The following GRIK1 variants were observed in gnomAD, a reference collection of about 807,000 sequenced individuals.
The protein encoded by GRIK1 is glutamate ionotropic receptor kainate type subunit 1.
Under a neutral mutation model 105.7 loss-of-function variants are expected in GRIK1, and 69 were observed. That is an observed-to-expected ratio of 0.65 (90% CI 0.54 to 0.80). The LOEUF (loss-of-function observed/expected upper bound fraction) is 0.80. GRIK1 is among the 30% of genes least tolerant of loss of function. The pLI is 0.00. For missense variants in GRIK1, 1,109 were observed against 1,167.3 expected, an observed-to-expected ratio of 0.95 and a Z score of 0.73; for synonymous variants, 438 against 431.3, an observed-to-expected ratio of 1.02 and a Z score of -0.19.
intron 1 of GRIK1, among the ~76,000 whole-genome samples, chr21:29,782,464 C>G (rs527348092): frequency 6.6e-6 from 1 of 152,254 alleles, no homozygotes; most frequent in Non-Finnish European, 1.5e-5. Flanking sequence ...GCGCCAAACA[C>G]TTCACAGATT....
intron 1 of GRIK1, among the ~76,000 whole-genome samples, chr21:29,694,371 G>A (rs887605112): frequency 1.3e-5 from 2 of 151,876 alleles, no homozygotes; most frequent in African/African-American, 2.4e-5. Flanking sequence ...TGATCCACCC[G>A]CCTCGACCTC....
At chr21:29,838,981 C>T (rs539696841) in intron 1 of GRIK1, among the ~76,000 whole-genome samples, 21 of 152,204 alleles carry the variant, frequency 1.4e-4, no homozygotes, top group African/African-American at 4.3e-4. Flanking sequence ...AATTATTAAA[C>T]GAAGTAAGCT....
In GRIK1 at chr21:29,596,545, A is replaced by T. The variant is rs367688924; in HGVS notation, c.1232T>A (p.Leu411Ter). The T allele has an allele frequency of 1.3e-4, 211 of 1,609,894 alleles. No homozygotes were observed. Among genetic ancestry groups the T allele is most frequent in the Non-Finnish European group, 1.8e-4 (207 of 1,176,272 alleles). Reference protein sequence around the residue: ...EKAAGEVSKHLYKVWKKIGIW... With the variant: ...EKAAGEVSKH ...ACAAACCTTCTTCCACACTTTATAC[A>T]AGTGTTTAGACACTTCGCCAGCAGC... Residue 411 changes from leucine (L) to a stop codon, truncating the protein, a stop_gained, in exon 9 of 18, where the codon TTG becomes TAG. Transcript: ENST00000327783. LOFTEE classifies it high-confidence loss of function.
intron 14 of GRIK1, among the ~76,000 whole-genome samples, chr21:29,572,921 C>A (rs1249078476): frequency 6.6e-6 from 1 of 152,134 alleles, no homozygotes; most frequent in Non-Finnish European, 1.5e-5. Context: ...CAGGCATGTG[C>A]CACCACGCCG....
intron 4 of GRIK1, among the ~76,000 whole-genome samples, chr21:29,669,307 T>C (rs1287213119): frequency 6.6e-6 from 1 of 152,128 alleles, no homozygotes; most frequent in Non-Finnish European, 1.5e-5. Context: ...TGAGAAAATA[T>C]GATAAAGGTG....
intron 15 of GRIK1, among the ~76,000 whole-genome samples, chr21:29,555,916 G>A (rs113996942): frequency 0.02 from 2,990 of 152,276 alleles, 95 homozygotes; most frequent in African/African-American, 0.068. Flanking sequence ...CTGGCCTCAA[G>A]ATAAGCAATA....
Position 29,935,798 on chromosome 21 carries a change from A to G in GRIK1, c.118+3585T>C, listed in dbSNP as rs149489007. 2.9e-3 allele frequency among the ~76,000 whole-genome samples: 436 copies of G among 152,304 alleles called. 4 individuals carry two copies. The highest frequency in any genetic ancestry group is 4.5e-3 in the Non-Finnish European group (306 of 68,026). Reference sequence around the variant, plus strand: ...AGTGTATTTCATCTTCCCTTGTGAAACAGGAAAGGCTGATATGATTACTGC... The same window carrying G: ...AGTGTATTTCATCTTCCCTTGTGAAGCAGGAAAGGCTGATATGATTACTGC... On this transcript the variant is annotated intron_variant, in intron 1 of 17. Transcript: ENST00000327783.
chr21:29,907,631 A>G (rs1243278714), intron 1 of GRIK1, among the ~76,000 whole-genome samples: 2 of 152,146 alleles, frequency 1.3e-5, no homozygotes, highest in Non-Finnish European at 2.9e-5. Context: ...TTATTAGTAT[A>G]AAAAGAAATA....
intron 2 of GRIK1, among the ~76,000 whole-genome samples, chr21:29,690,742 A>G (rs984475099): frequency 6.6e-6 from 1 of 151,346 alleles, no homozygotes; most frequent in Non-Finnish European, 1.5e-5. Context: ...TGTAACATAA[A>G]TGTATTTTTC....
intron 14 of GRIK1, among the ~76,000 whole-genome samples, chr21:29,565,887 G>A (rs1244402813): frequency 6.6e-6 from 1 of 152,230 alleles, no homozygotes; most frequent in Non-Finnish European, 1.5e-5. Flanking sequence ...GACAGCAAAT[G>A]ACACACAGAA....
At chr21:29,897,251 T>G (rs2070203754) in intron 1 of GRIK1, among the ~76,000 whole-genome samples, 1 of 152,160 alleles carries the variant, frequency 6.6e-6, no homozygotes. Context: ...TGGCAGGTGG[T>G]ACCAAGAGGC....
chr21:29,578,093 AAATG>A (rs1463917252), intron 13 of GRIK1, among the ~76,000 whole-genome samples: 1 of 152,226 alleles, frequency 6.6e-6, no homozygotes, highest in African/African-American at 2.4e-5. Flanking sequence ...GAATTAGAAT[AAATG>A]AGAAGTACAA....
chr21:29,757,788 A>G (rs1184536475), intron 1 of GRIK1, among the ~76,000 whole-genome samples: 1 of 152,206 alleles, frequency 6.6e-6, no homozygotes, highest in Admixed American at 6.5e-5. Context: ...TTGAATTTTT[A>G]GCAACATTCC....
intron 7 of GRIK1, among the ~76,000 whole-genome samples, chr21:29,609,838 A>G (rs948591934): frequency 2.6e-5 from 4 of 152,102 alleles, no homozygotes; most frequent in African/African-American, 9.7e-5. Context: ...GAATGAGCCA[A>G]TTCCTCAAAA....
intron 1 of GRIK1, among the ~76,000 whole-genome samples, chr21:29,766,102 G>T (rs547312501): frequency 6.6e-6 from 1 of 152,090 alleles, no homozygotes; most frequent in South Asian, 2.1e-4. Flanking sequence ...GGCCGCCTTG[G>T]CCTCCAAAAG....
intron 1 of GRIK1, among the ~76,000 whole-genome samples, chr21:29,866,889 A>T (rs1286260364): frequency 6.6e-6 from 1 of 152,198 alleles, no homozygotes. Flanking sequence ...AACAAAGTAC[A>T]CTTGAATATC....
chr21:29,623,527 G>A (rs1380163280), intron 7 of GRIK1, among the ~76,000 whole-genome samples: 2 of 151,538 alleles, frequency 1.3e-5, no homozygotes, highest in Admixed American at 1.3e-4. Flanking sequence ...GCTTAACTTA[G>A]GTTGTCTCAT....
intron 1 of GRIK1, among the ~76,000 whole-genome samples, chr21:29,752,786 A>T (rs1450192627): frequency 1.3e-5 from 2 of 152,254 alleles, no homozygotes; most frequent in Admixed American, 1.3e-4. Context: ...ACAGTGAACT[A>T]GGATCGTGCC....
chr21:29,814,969 A>G (rs766401986), intron 1 of GRIK1, among the ~76,000 whole-genome samples: 122 of 152,268 alleles, frequency 8.0e-4, no homozygotes, highest in Admixed American at 4.6e-4. Flanking sequence ...CTGGACCTGT[A>G]AAATGGTGAT....
Sources: gnomAD v4.1 joint callset for allele counts (sites outside exome capture counted in the v4.1 genomes callset) on GRCh38, gnomAD v4.1.1 for gene constraint, MANE v1.5 for transcripts, NCBI Gene and HGNC (gene_info 2026-07-23, HGNC 2026-07-21) for gene names.